The following SLCO3A1 variants were observed in gnomAD, a reference collection of about 807,000 sequenced individuals.
The protein encoded by SLCO3A1 is solute carrier organic anion transporter family member 3A1.
In SLCO3A1, 27 loss-of-function variants were observed where a neutral mutation model predicts 63.1. The ratio of observed to expected loss-of-function variants is 0.43; its 90% CI spans 0.32 to 0.59. The LOEUF (loss-of-function observed/expected upper bound fraction) is 0.59, where lower values mean the gene tolerates loss of function less well. Among genes scored for constraint, SLCO3A1 ranks in the 20% least tolerant of loss-of-function variants. The pLI is 0.09. For synonymous variants in SLCO3A1, 473 were observed against 409.9 expected (o/e 1.15, Z -1.86); for missense variants, 773 against 945.8 (o/e 0.82, Z 2.40).
intron 2 of SLCO3A1, among the ~76,000 whole-genome samples, chr15:91,947,243 G>T (rs568435545): frequency 1.3e-5 from 2 of 152,316 alleles, no homozygotes; most frequent in South Asian, 4.1e-4. Flanking sequence ...CCTTGTCGAG[G>T]ACCGTCTTTT....
chr15:91,932,335 C>T (rs907635069), intron 2 of SLCO3A1, among the ~76,000 whole-genome samples: 2 of 152,128 alleles, frequency 1.3e-5, no homozygotes, highest in Admixed American at 6.5e-5. Flanking sequence ...TCCCTGTGTG[C>T]CCATTTTCCA....
intron 2 of SLCO3A1, among the ~76,000 whole-genome samples, chr15:92,084,729 C>T (rs1372181162): frequency 1.3e-5 from 2 of 152,230 alleles, no homozygotes; most frequent in South Asian, 2.1e-4. Context: ...GTGCTCCTCT[C>T]ACCCAGCCCC....
chr15:92,093,221 A>C (rs961912941), intron 2 of SLCO3A1, among the ~76,000 whole-genome samples: 1 of 152,210 alleles, frequency 6.6e-6, no homozygotes, highest in Non-Finnish European at 1.5e-5. Flanking sequence ...ACAGTACCGG[A>C]AGCATGGTGT....
chr15:91,888,315 C>T (rs1034766120), intron 1 of SLCO3A1, among the ~76,000 whole-genome samples: 5 of 152,120 alleles, frequency 3.3e-5, no homozygotes, highest in African/African-American at 4.8e-5. Flanking sequence ...TATGGGCTGC[C>T]GGCTCTCTTA....
chr15:91,949,572 A>G (rs952789470), intron 2 of SLCO3A1, among the ~76,000 whole-genome samples: 3 of 151,600 alleles, frequency 2.0e-5, no homozygotes, highest in South Asian at 2.1e-4. Flanking sequence ...GGAGTTTGCA[A>G]TGAGTTGAGA....
At chr15:92,154,457 T>C (rs1035075426) in intron 9 of SLCO3A1, among the ~76,000 whole-genome samples, 3 of 152,170 alleles carry the variant, frequency 2.0e-5, no homozygotes, top group Non-Finnish European at 4.4e-5. Flanking sequence ...GTAGCCTACT[T>C]TAATTTTATT....
rs927367133 is a variant in SLCO3A1 at position 91,862,387 on chromosome 15, C to A, written c.180+8299C>A. Reference sequence around the variant, plus strand: ...GCCAGGGTGGTCTCGAACTCCTGACCTCAAGTGATCCACTCACCTCAGCCT... The same window carrying A: ...GCCAGGGTGGTCTCGAACTCCTGACATCAAGTGATCCACTCACCTCAGCCT... On this transcript the variant is annotated intron_variant, in intron 1 of 9. Coordinates refer to ENST00000318445, the MANE Select transcript of SLCO3A1 (RefSeq NM_013272.4). The surrounding 1 kb of genome is among the most constrained non-coding windows in gnomAD (Gnocchi z 4.0). Among the ~76,000 whole-genome samples, 1 of 152,224 alleles carries A rather than the reference C, an allele frequency of 6.6e-6. No homozygotes were observed. Among genetic ancestry groups the A allele is most frequent in the East Asian group, 1.9e-4 (1 of 5,174 alleles).
At chr15:92,161,303 G>A (rs2048433764) in intron 9 of SLCO3A1, among the ~76,000 whole-genome samples, 1 of 152,234 alleles carries the variant, frequency 6.6e-6, no homozygotes, top group Admixed American at 6.5e-5. Context: ...GGAATGTGAA[G>A]GTGCTGAGGA....
Position 91,968,426 on chromosome 15 carries a change from T to A in SLCO3A1, c.646+51968T>A, listed in dbSNP as rs1211195992. 6.6e-6 allele frequency among the ~76,000 whole-genome samples: 1 copy of A among 152,032 alleles called. No individual in the cohort carries two copies. The highest frequency in any genetic ancestry group is 2.4e-5 in the African/African-American group (1 of 41,386). On this transcript the variant is annotated intron_variant, in intron 2 of 9. Coordinates refer to ENST00000318445, the MANE Select transcript of SLCO3A1 (RefSeq NM_013272.4). This position sits in a 1 kb window ranked among gnomAD's most constrained non-coding sequence, Gnocchi z 4.2. Reference sequence around the variant, plus strand: ...TGAGTCATAGAGTGGCCCTCTAGAATCCTCCAGCCTGTGCTTATTATGCAG... The same window carrying A: ...TGAGTCATAGAGTGGCCCTCTAGAAACCTCCAGCCTGTGCTTATTATGCAG...
chr15:91,967,370 AC>A lies in SLCO3A1; in HGVS notation c.646+50915del, dbSNP rs559489009. 3.0e-3 allele frequency among the ~76,000 whole-genome samples: 456 copies of A among 152,324 alleles called. 3 individuals are homozygous for A. The highest frequency in any genetic ancestry group is 0.01 in the African/African-American group (431 of 41,576). On this transcript the variant is annotated intron_variant, in intron 2 of 9. Coordinates refer to ENST00000318445, the MANE Select transcript of SLCO3A1 (RefSeq NM_013272.4). The surrounding 1 kb of genome is among the most constrained non-coding windows in gnomAD (Gnocchi z 4.4). ...CAGAAATGAACAGCAGTATAGATTAACCCATAAGAGTCCAAATAACTCCCCC... is the reference window on the plus strand; with the variant it reads ...CAGAAATGAACAGCAGTATAGATTAACCATAAGAGTCCAAATAACTCCCCC...
At chr15:92,013,886 A>G (rs2046396413) in intron 2 of SLCO3A1, among the ~76,000 whole-genome samples, 1 of 152,206 alleles carries the variant, frequency 6.6e-6, no homozygotes, top group African/African-American at 2.4e-5. Flanking sequence ...TTGCTCAAGA[A>G]TATGCTGTCC....
At chr15:92,127,322 T>C (rs958743637) in intron 6 of SLCO3A1, among the ~76,000 whole-genome samples, 1 of 152,018 alleles carries the variant, frequency 6.6e-6, no homozygotes, top group Non-Finnish European at 1.5e-5. Flanking sequence ...GGTCTTACTA[T>C]AATGACGTTA....
At chr15:92,095,702 A>G (rs2047530203) in intron 3 of SLCO3A1, among the ~76,000 whole-genome samples, 1 of 152,176 alleles carries the variant, frequency 6.6e-6, no homozygotes, top group South Asian at 2.1e-4. Context: ...GTCACACTAC[A>G]TATGCAGTGT....
At chr15:91,961,722 C>T (rs371896579) in intron 2 of SLCO3A1, among the ~76,000 whole-genome samples, 7 of 152,218 alleles carry the variant, frequency 4.6e-5, no homozygotes, top group African/African-American at 1.7e-4. Flanking sequence ...TACTCTTAGT[C>T]GCCTTACTTG....
At chr15:91,992,481 A>T (rs921112913) in intron 2 of SLCO3A1, among the ~76,000 whole-genome samples, 3 of 152,168 alleles carry the variant, frequency 2.0e-5, no homozygotes, top group Non-Finnish European at 4.4e-5. Flanking sequence ...TGCATCGTTG[A>T]TATGCTCAAG....
At chr15:92,092,422 G>A (rs1177224811) in intron 2 of SLCO3A1, among the ~76,000 whole-genome samples, 2 of 152,086 alleles carry the variant, frequency 1.3e-5, no homozygotes, top group Admixed American at 6.5e-5. Flanking sequence ...GGTAGGCACA[G>A]CACCCATGGC....
intron 2 of SLCO3A1, among the ~76,000 whole-genome samples, chr15:92,040,863 G>A (rs779532234): frequency 2.0e-4 from 31 of 152,112 alleles, no homozygotes; most frequent in African/African-American, 2.9e-4. Flanking sequence ...CAGATGCAAC[G>A]TGTAGAAATT....
In SLCO3A1 at chr15:91,883,671, T is replaced by TA. The variant is rs1362689224; in HGVS notation, c.180+29584dup. ...AGGCAATGCATTGATACATTGTTCA[T>TA]ACGCTCATAATTAGTTCATGTGTTT... On this transcript the variant is annotated intron_variant, in intron 1 of 9. Transcript: ENST00000318445. This position sits in a 1 kb window ranked among gnomAD's most constrained non-coding sequence, Gnocchi z 4.8. Among the ~76,000 whole-genome samples the TA allele has an allele frequency of 1.3e-5, 2 of 152,250 alleles. No homozygotes were observed. The highest frequency in any genetic ancestry group is 4.8e-5 in the African/African-American group (2 of 41,466).
At chr15:92,045,147 G>T (rs2046844956) in intron 2 of SLCO3A1, among the ~76,000 whole-genome samples, 1 of 152,046 alleles carries the variant, frequency 6.6e-6, no homozygotes, top group Non-Finnish European at 1.5e-5. Context: ...GGGCTTGGTG[G>T]CATGCACCTG....
Sources: gnomAD v4.1 joint callset for allele counts (sites outside exome capture counted in the v4.1 genomes callset) on GRCh38, gnomAD v4.1.1 for gene constraint, Gnocchi (gnomAD v3.1) non-coding constraint, MANE v1.5 for transcripts, NCBI Gene and HGNC (gene_info 2026-07-23, HGNC 2026-07-21) for gene names.